The following TIAM2 variants were observed in gnomAD, a reference collection of about 807,000 sequenced individuals.
The protein encoded by TIAM2 is rho guanine nucleotide exchange factor TIAM2.
In TIAM2, 80 loss-of-function variants were observed where a neutral mutation model predicts 152.9. The ratio of observed to expected loss-of-function variants is 0.52; its 90% CI spans 0.44 to 0.63. The LOEUF (loss-of-function observed/expected upper bound fraction) is 0.63. TIAM2 is among the 30% of genes least tolerant of loss of function. The pLI is 0.00. For missense variants in TIAM2, 1,965 were observed against 2,120.1 expected (o/e 0.93, Z 1.44); for synonymous variants, 804 against 838.0 (o/e 0.96, Z 0.70).
At chr6:155,048,502 G>A in intron 1 of TIAM2, among the ~76,000 whole-genome samples, 1 of 152,118 alleles carries the variant, frequency 6.6e-6, no homozygotes, top group Non-Finnish European at 1.5e-5. Context: ...AGTAAACAAG[G>A]CTGCAAGGAC....
intron 9 of TIAM2, among the ~76,000 whole-genome samples, chr6:155,167,991 A>G (rs956581805): frequency 1.2e-4 from 18 of 152,248 alleles, no homozygotes; most frequent in Non-Finnish European, 2.4e-4. Flanking sequence ...TGTTCTCAAC[A>G]TAGACTTTTT....
At chr6:155,120,832 A>C (rs563566659) in intron 2 of TIAM2, among the ~76,000 whole-genome samples, 192 of 152,344 alleles carry the variant, frequency 1.3e-3, no homozygotes, top group Non-Finnish European at 2.0e-3. Flanking sequence ...GACAACCAAA[A>C]ATATTCCCAG....
intron 20 of TIAM2, 94 bp downstream of exon 20, chr6:155,248,273 G>A (rs1048635246): frequency 2.2e-5 from 30 of 1,394,770 alleles, no homozygotes; most frequent in African/African-American, 1.4e-4. Flanking sequence ...CCTCTTCCCC[G>A]CCTAGTGGCA....
chr6:155,058,027 G>A (rs1777493333), intron 1 of TIAM2, among the ~76,000 whole-genome samples: 1 of 152,060 alleles, frequency 6.6e-6, no homozygotes, highest in South Asian at 2.1e-4. Flanking sequence ...TGCTCCAATT[G>A]TTCCTGTTTT....
chr6:155,100,098 A>T (rs545165352), intron 2 of TIAM2, among the ~76,000 whole-genome samples: 4,783 of 152,278 alleles, frequency 0.031, 206 homozygotes, highest in African/African-American at 0.1. Flanking sequence ...TAAGTTTTTT[A>T]ACTGAGACTG....
chr6:155,248,077 T>C lies in TIAM2; in HGVS notation c.3730T>C (p.Tyr1244His), dbSNP rs1437636626. The change falls in exon 20 of 27, where the codon TAC becomes CAC. Residue 1244 changes from tyrosine to histidine, a missense_variant. By Grantham distance (83) the Tyr-to-His change is moderately conservative. Transcript: ENST00000682666. Reference protein sequence around the residue: ...TKQHSSTLESYLIKPVQRVLK... With the variant: ...TKQHSSTLESHLIKPVQRVLK... The stretch of plus-strand genomic sequence containing the variant: ...GCAGCATTCCTCCACGCTGGAGTCC[T>C]ACCTCATCAAGCCGGTTCAGAGAGT... 6 of 1,614,120 alleles carry C rather than the reference T, an allele frequency of 3.7e-6. No homozygotes were observed. Among genetic ancestry groups the C allele is most frequent in the Non-Finnish European group, 5.1e-6 (6 of 1,180,048 alleles).
chr6:155,245,778 T>G (rs1562371009), intron 19 of TIAM2, 47 bp downstream of exon 19: 1 of 1,082,244 alleles, frequency 9.2e-7, no homozygotes, highest in South Asian at 1.5e-5. Flanking sequence ...TTTGCATTTT[T>G]AACTGTTAGT....
chr6:155,257,595 G>C lies in TIAM2; in HGVS notation c.*474G>C, dbSNP rs1437158104. The C allele has an allele frequency of 4.1e-6, 2 of 485,118 alleles. No individual in the cohort carries two copies. Among genetic ancestry groups the C allele is most frequent in the Admixed American group, 3.9e-5 (1 of 25,722 alleles). The allele number at this position is 485,118 out of a possible 1,614,324, so 30.1% of individuals were successfully genotyped here. A position where few individuals can be genotyped will look rare whatever the true frequency, so the allele number is the denominator to read the frequency against. On this transcript the variant is annotated 3_prime_UTR_variant, in exon 27 of 27. Transcript: ENST00000682666. ...CATTTTTGTAAGATAGATTGTAATA[G>C]ATGCTGTTTATACTAAACATGTCAT...
chr6:155,196,623 T>C (rs1447973709), intron 14 of TIAM2, among the ~76,000 whole-genome samples: 1 of 152,088 alleles, frequency 6.6e-6, no homozygotes, highest in African/African-American at 2.4e-5. Context: ...ATTAGCAACA[T>C]AAAGAGAAAG....
intron 1 of TIAM2, among the ~76,000 whole-genome samples, chr6:155,085,524 A>G (rs1583182181): frequency 6.6e-6 from 1 of 152,066 alleles, no homozygotes; most frequent in African/African-American, 2.4e-5. Context: ...GTAGGCTTCT[A>G]GATTGACTAA....
chr6:155,083,305 T>A (rs1368571315), intron 1 of TIAM2, among the ~76,000 whole-genome samples: 1 of 141,860 alleles, frequency 7.0e-6, no homozygotes, highest in Non-Finnish European at 1.5e-5. Flanking sequence ...GCCAAGATCG[T>A]GCCAGTGCAC....
intron 1 of TIAM2, among the ~76,000 whole-genome samples, chr6:155,087,782 A>G (rs1778205273): frequency 6.6e-6 from 1 of 152,094 alleles, no homozygotes; most frequent in South Asian, 2.1e-4. Context: ...AATAAATAAA[A>G]AATTTGTCCA....
rs1463603953 is a variant in TIAM2, at chr6:155,195,549, C to T, written c.3064+12049C>T. ...GCAGGTAAAAAAGCATCCTTGCCCA[C>T]GTGGAGCTTACTTGTATTTTAGTGT... On this transcript the variant is annotated intron_variant, in intron 14 of 26. Coordinates refer to ENST00000682666, the MANE Select transcript of TIAM2 (RefSeq NM_012454.4). Among the ~76,000 whole-genome samples the T allele has an allele frequency of 3.3e-5, 5 of 152,124 alleles. No individual in the cohort carries two copies. The East Asian group carries it at 5.8e-4, about 18-fold the overall frequency.
rs771820910 is a variant in TIAM2, at chr6:155,129,194, C to G, written c.-6-24C>G. 1 of 1,597,054 alleles carries G rather than the reference C, an allele frequency of 6.3e-7. No homozygotes were observed. The highest frequency in any genetic ancestry group is 1.1e-5 in the South Asian group (1 of 90,128). On this transcript the variant is annotated intron_variant, in intron 3 of 26. Transcript: ENST00000682666. The surrounding 1 kb of genome is among the most constrained non-coding windows in gnomAD (Gnocchi z 4.8). Reference sequence around the variant, plus strand: ...GAATGTAATTTAGGCCACGGTCTTACTGATGCAACTGTTCTTAATTTAGGT... The same window carrying G: ...GAATGTAATTTAGGCCACGGTCTTAGTGATGCAACTGTTCTTAATTTAGGT...
chr6:155,148,399 A>G (rs1779867821), intron 7 of TIAM2, 65 bp downstream of exon 7: 6 of 1,430,730 alleles, frequency 4.2e-6, no homozygotes, highest in Non-Finnish European at 5.8e-6. Context: ...GACTGAACGC[A>G]TGCTGTCATC....
intron 9 of TIAM2, among the ~76,000 whole-genome samples, chr6:155,170,094 G>A (rs1780546785): frequency 1.3e-5 from 2 of 152,142 alleles, no homozygotes; most frequent in Admixed American, 6.5e-5. Flanking sequence ...CGAGATTACA[G>A]GCGTGAGCCA....
At chr6:155,151,888 A>G (rs1029116555) in intron 7 of TIAM2, among the ~76,000 whole-genome samples, 4 of 130,030 alleles carry the variant, frequency 3.1e-5, no homozygotes, top group Admixed American at 2.0e-4. Flanking sequence ...CTTGATGCCC[A>G]GGCTGGATTG....
chr6:155,017,940 A>G (rs1010245256), intron 1 of TIAM2, among the ~76,000 whole-genome samples: 3 of 152,204 alleles, frequency 2.0e-5, no homozygotes, highest in Non-Finnish European at 4.4e-5. Flanking sequence ...TGTGGTCACC[A>G]CCACTGAGGT....
chr6:155,223,591 G>A (rs1256175435), intron 15 of TIAM2, among the ~76,000 whole-genome samples: 3 of 145,918 alleles, frequency 2.1e-5, no homozygotes, highest in Non-Finnish European at 4.5e-5. Flanking sequence ...AACACCAATC[G>A]CAGCATTACG....
Sources: allele counts gnomAD v4.1 joint callset (sites outside exome capture counted in the v4.1 genomes callset), GRCh38; gene constraint gnomAD v4.1.1; non-coding constraint Gnocchi (gnomAD v3.1); transcripts MANE v1.5; gene names NCBI Gene and HGNC (gene_info 2026-07-23, HGNC 2026-07-21).